Variants in PDLIM7 observed in about 807,000 individuals in gnomAD.
The protein encoded by PDLIM7 is PDZ and LIM domain 7.
PDLIM7 carries 37 observed loss-of-function variants against 53.9 expected under a neutral mutation model. The ratio of observed to expected loss-of-function variants is 0.69; its 90% CI spans 0.53 to 0.90. The LOEUF is 0.90. Ranked by LOEUF, PDLIM7 falls within the 40% of genes least tolerant of loss-of-function variation. The probability of loss-of-function intolerance (pLI) is 0.00; values close to 1 mark genes in which losing one functional copy is unlikely to be tolerated. For missense variants in PDLIM7, 617 were observed against 638.5 expected (o/e 0.97, Z 0.36); for synonymous variants, 300 against 261.3 (o/e 1.15, Z -1.43).
At chr5:177,488,978 G>A (rs900655111) in intron 9 of PDLIM7, among the ~76,000 whole-genome samples, 4 of 152,258 alleles carry the variant, frequency 2.6e-5, no homozygotes, top group Non-Finnish European at 5.9e-5. Context: ...CTGATGCTGG[G>A]GGGTGTTTGA....
chr5:177,488,174 A>G lies in PDLIM7; in HGVS notation c.944T>C (p.Leu315Pro). 6.2e-7 allele frequency: 1 copy of G among 1,613,508 alleles called. No individual in the cohort carries two copies. Among genetic ancestry groups the G allele is most frequent in the Non-Finnish European group, 8.5e-7 (1 of 1,179,960 alleles). Residue 315 changes from leucine to proline, a missense_variant, in exon 10 of 13, where the codon CTG becomes CCG. By Grantham distance (98) the Leu-to-Pro change is moderately conservative. Transcript: ENST00000355841. The part of the protein sequence containing the change: ...EFVCSQCGKV[L>P]EEGGFFEEKG... The stretch of plus-strand genomic sequence containing the variant: ...CTCCTCAAAGAAGCCACCCTCTTCC[A>G]GGACCTTCCCACACTGGCTACACAC...
intron 3 of PDLIM7, 32 bp downstream of exon 3, chr5:177,492,494 G>C (rs781358289): frequency 6.2e-7 from 1 of 1,613,660 alleles, no homozygotes; most frequent in Non-Finnish European, 8.5e-7. Context: ...CACTGCCAGC[G>C]CGGGCGCACC....
chr5:177,486,453 T>G (rs1391163588), intron 10 of PDLIM7, among the ~76,000 whole-genome samples: 1 of 152,068 alleles, frequency 6.6e-6, no homozygotes, highest in African/African-American at 2.4e-5. Flanking sequence ...ACACAGCCAG[T>G]AGATCACAGA....
chr5:177,486,120 T>C (rs907190230), intron 10 of PDLIM7, among the ~76,000 whole-genome samples: 12 of 152,038 alleles, frequency 7.9e-5, no homozygotes, highest in African/African-American at 2.9e-4. Context: ...GGTCTTGCTA[T>C]GGTGCCCATG....
In PDLIM7 at chr5:177,483,418, G is replaced by A; in HGVS notation, c.*226C>T. 1.9e-6 allele frequency: 1 copy of A among 522,362 alleles called. No individual in the cohort carries two copies. The highest frequency in any genetic ancestry group is 3.4e-5 in the Admixed American group (1 of 29,790). The allele number at this position is 522,362 out of a possible 1,614,324, so 32.4% of individuals were successfully genotyped here. On this transcript the variant is annotated 3_prime_UTR_variant, in exon 13 of 13. Transcript: ENST00000355841. ...ACACAGCTGGGTACAGGTTTATTGT[G>A]GCACTGGAGGTGAAAGGGGGCTGGT...
In PDLIM7 at chr5:177,491,875, G is replaced by A. The variant is rs1364047213; in HGVS notation, c.330C>T (p.Val110=). ...AGGGCCGGGCCGTCTTGTTGAGGGA[G>A]ACGCTGGGTGCAAAGGTGTACCGCG... ...DPPRYTFAPS[V]SLNKTARPFG... The change falls in exon 5 of 13, where the codon GTC becomes GTT. Residue 110 remains valine, a synonymous_variant. Transcript: ENST00000355841. 21 of 1,265,444 alleles carry A rather than the reference G, an allele frequency of 1.7e-5. No individual in the cohort carries two copies. Among genetic ancestry groups the A allele is most frequent in the Non-Finnish European group, 1.1e-5 (11 of 1,001,026 alleles). The allele number at this position is 1,265,444 out of a possible 1,614,324, so 78.4% of individuals were successfully genotyped here. A position where few individuals can be genotyped will look rare whatever the true frequency, so the allele number is the denominator to read the frequency against.
rs778033270 is a variant in PDLIM7 at position 177,489,447 on chromosome 5, C to T, written c.815G>A (p.Gly272Glu). Residue 272 changes from glycine (G) to glutamate (E), a missense_variant, in exon 9 of 13, where the codon GGG becomes GAG. Coordinates refer to ENST00000355841, the MANE Select transcript of PDLIM7 (RefSeq NM_005451.5). The stretch of plus-strand genomic sequence containing the variant: ...GGGAGTCTTGCCGTTGTTGCTGCCC[C>T]CTCCTGGCACCCCTCCGGCAGCTGC... ...VQAAAGGVPG[G>E]GSNNGKTPVC... The T allele has an allele frequency of 1.3e-4, 209 of 1,603,768 alleles. No homozygotes were observed. The highest frequency in any genetic ancestry group is 1.9e-4 in the Admixed American group (11 of 58,530).
chr5:177,488,251 G>C lies in PDLIM7; in HGVS notation c.870-3C>G. 6.3e-7 allele frequency: 1 copy of C among 1,595,076 alleles called. No homozygotes were observed. Among genetic ancestry groups the C allele is most frequent in the East Asian group, 2.2e-5 (1 of 44,454 alleles). The stretch of plus-strand genomic sequence containing the variant: ...CCAGCGCCACCAGGTAGCGGCCCCT[G>C]CAGGGAGGCGAGAGCGGTCAGAGGG... On this transcript the variant is annotated splice_region_variant and splice_polypyrimidine_tract_variant and intron_variant, in intron 9 of 12. Coordinates refer to ENST00000355841, the MANE Select transcript of PDLIM7 (RefSeq NM_005451.5).
At chr5:177,490,400 G>C in intron 7 of PDLIM7, 1 of 1,490,796 alleles carries the variant, frequency 6.7e-7, no homozygotes. Context: ...GAAAGGGGGG[G>C]TGAGGTAGGC....
intron 1 of PDLIM7, chr5:177,497,009 G>GAGGA (rs1759114133): frequency 4.3e-5 from 1 of 23,322 alleles, no homozygotes; most frequent in African/African-American, 7.6e-5. Flanking sequence ...GGGACGCGAG[G>GAGGA]GGGGGGGGAG....
Position 177,488,151 on chromosome 5 carries a change from C to T in PDLIM7, c.967G>A (p.Glu323Lys). 6.2e-7 allele frequency: 1 copy of T among 1,613,498 alleles called. No individual in the cohort carries two copies. Among genetic ancestry groups the T allele is most frequent in the East Asian group, 2.2e-5 (1 of 44,872 alleles). ...GGTGGGCAGAAGATGGCGCCCTTCT[C>T]CTCAAAGAAGCCACCCTCTTCCAGG... is the stretch of plus-strand genomic sequence containing the variant. ...KVLEEGGFFE[E>K]KGAIFCPPCY... Residue 323 changes from glutamate to lysine, a missense_variant, in exon 10 of 13, where the codon GAG becomes AAG. Glu to Lys is a moderately conservative substitution (Grantham distance 56, BLOSUM62 1). Coordinates refer to ENST00000355841, the MANE Select transcript of PDLIM7 (RefSeq NM_005451.5).
intron 10 of PDLIM7, among the ~76,000 whole-genome samples, chr5:177,486,578 G>A (rs163202): frequency 0.024 from 3,709 of 151,448 alleles, 169 homozygotes; most frequent in African/African-American, 0.085. Flanking sequence ...GTGGGAGAGG[G>A]GGCTCTACCA....
chr5:177,486,285 A>G (rs1444309534), intron 10 of PDLIM7, among the ~76,000 whole-genome samples: 1 of 152,140 alleles, frequency 6.6e-6, no homozygotes, highest in Non-Finnish European at 1.5e-5. Context: ...GGGCCAAGCA[A>G]GACATAAGTG....
intron 2 of PDLIM7, among the ~76,000 whole-genome samples, chr5:177,493,809 A>G (rs1039572409): frequency 1.1e-4 from 16 of 141,016 alleles, no homozygotes; most frequent in African/African-American, 3.8e-4. Context: ...CTGGAAGACA[A>G]TTTCACTGGG....
At chr5:177,490,948 GT>G (rs1446979713) in intron 6 of PDLIM7, 42 bp from the exon 7 acceptor site, 2 of 1,613,800 alleles carry the variant, frequency 1.2e-6, no homozygotes, top group Non-Finnish European at 1.7e-6. Context: ...AAGACACAGG[GT>G]CAGGGATCAC....
Position 177,491,054 on chromosome 5 carries a change from G to C in PDLIM7, c.491C>G (p.Ser164Trp), listed in dbSNP as rs781462361. Reference protein sequence around the residue: ...DWRPRPGTGQSRSFRILAHLT... With the variant: ...DWRPRPGTGQWRSFRILAHLT... ...GTGGGCAAGGATGCGGAAGGAACGCGACTGGCCTGTCCCCGGCCGCGGCCG... is the reference window on the plus strand; with the variant it reads ...GTGGGCAAGGATGCGGAAGGAACGCCACTGGCCTGTCCCCGGCCGCGGCCG... Residue 164 changes from serine (S) to tryptophan (W), a missense_variant, in exon 6 of 13, where the codon TCG becomes TGG. Coordinates refer to ENST00000355841, the MANE Select transcript of PDLIM7 (RefSeq NM_005451.5). 1.9e-6 allele frequency: 3 copies of C among 1,612,008 alleles called. No individual in the cohort carries two copies. Among genetic ancestry groups the C allele is most frequent in the Non-Finnish European group, 8.5e-7 (1 of 1,179,280 alleles).
In PDLIM7 at chr5:177,492,840, G is replaced by A. The variant is rs1053270763; in HGVS notation, c.97-163C>T. On this transcript the variant is annotated intron_variant, in intron 2 of 12. Coordinates refer to ENST00000355841, the MANE Select transcript of PDLIM7 (RefSeq NM_005451.5). ...AGCTGCTGGACACTAAAGCAACCCA[G>A]GAGGTGGTGGCGCTCACCTGAGCTT... 8 of 679,916 alleles carry A rather than the reference G, an allele frequency of 1.2e-5. No individual in the cohort carries two copies. In the African/African-American group the frequency reaches 1.4e-4, roughly 12 times the overall value. 42.1% of individuals were successfully genotyped at this position (679,916 alleles called of 1,614,324 possible).
At chr5:177,490,129 A>C (rs1257433333) in intron 7 of PDLIM7, 1 of 1,499,782 alleles carries the variant, frequency 6.7e-7, no homozygotes, top group South Asian at 1.2e-5. Context: ...CCCCTTTGCC[A>C]GGTACCCCCT....
chr5:177,495,762 G>C (rs934715078), intron 2 of PDLIM7, among the ~76,000 whole-genome samples: 2 of 152,102 alleles, frequency 1.3e-5, no homozygotes, highest in Admixed American at 1.3e-4. Context: ...GCAGGCTCTT[G>C]GAAGCTGAAG....
Sources: allele counts gnomAD v4.1 joint callset (sites outside exome capture counted in the v4.1 genomes callset), GRCh38; gene constraint gnomAD v4.1.1; transcripts MANE v1.5; gene names NCBI Gene and HGNC (gene_info 2026-07-23, HGNC 2026-07-21).